The following GRID2 variants were observed in gnomAD, a reference collection of about 807,000 sequenced individuals.
The protein encoded by GRID2 is glutamate receptor ionotropic, delta-2.
GRID2 carries 33 observed loss-of-function variants against 114.8 expected under a neutral mutation model. The ratio of observed to expected loss-of-function variants is 0.29; its 90% CI spans 0.22 to 0.38. The LOEUF is 0.38. GRID2 is among the 10% of genes least tolerant of loss of function. The pLI is 1.00. For missense variants in GRID2, 1,184 were observed against 1,257.7 expected (o/e 0.94, Z 0.89); for synonymous variants, 505 against 449.9 (o/e 1.12, Z -1.55).
intron 2 of GRID2, among the ~76,000 whole-genome samples, chr4:93,027,511 A>G (rs1412187966): frequency 6.6e-6 from 1 of 152,144 alleles, no homozygotes; most frequent in Non-Finnish European, 1.5e-5. Flanking sequence ...GTGTATCCAC[A>G]GACAAGTTTT....
intron 2 of GRID2, among the ~76,000 whole-genome samples, chr4:92,650,736 A>G (rs1033633061): frequency 6.6e-6 from 1 of 151,876 alleles, no homozygotes; most frequent in Non-Finnish European, 1.5e-5. Context: ...ACAAATGTAG[A>G]TAGTGAGTCA....
At chr4:92,955,612 T>G (rs1267951566) in intron 2 of GRID2, among the ~76,000 whole-genome samples, 1 of 152,124 alleles carries the variant, frequency 6.6e-6, no homozygotes, top group Non-Finnish European at 1.5e-5. Context: ...CAGAAGCTCT[T>G]TAGTTTAATT....
intron 2 of GRID2, among the ~76,000 whole-genome samples, chr4:92,784,149 T>G (rs1739213544): frequency 6.6e-6 from 1 of 152,068 alleles, no homozygotes; most frequent in South Asian, 2.1e-4. Context: ...TTATGTAGAT[T>G]TGGATAAGAG....
intron 4 of GRID2, among the ~76,000 whole-genome samples, chr4:93,149,201 A>G (rs564246559): frequency 6.6e-6 from 1 of 152,256 alleles, no homozygotes; most frequent in South Asian, 2.1e-4. Context: ...AAAATTCAAA[A>G]TCTCCATTTT....
chr4:92,349,794 G>C (rs76303319), intron 1 of GRID2, among the ~76,000 whole-genome samples: 3,821 of 151,806 alleles, frequency 0.025, 79 homozygotes, highest in East Asian at 0.11. Flanking sequence ...TTATTATAAA[G>C]TAAAACACAG....
At chr4:93,649,125 C>A (rs1394494781) in intron 14 of GRID2, among the ~76,000 whole-genome samples, 1 of 152,114 alleles carries the variant, frequency 6.6e-6, no homozygotes, top group Non-Finnish European at 1.5e-5. Flanking sequence ...TCATCTTCAA[C>A]AACCAAAATC....
chr4:92,654,061 A>C (rs1007680786), intron 2 of GRID2, among the ~76,000 whole-genome samples: 3 of 152,066 alleles, frequency 2.0e-5, no homozygotes, highest in Non-Finnish European at 4.4e-5. Flanking sequence ...CTGGACCATT[A>C]CTCCAAAGGG....
chr4:93,055,433 T>C (rs1334377702), intron 2 of GRID2, among the ~76,000 whole-genome samples: 1 of 151,974 alleles, frequency 6.6e-6, no homozygotes, highest in Non-Finnish European at 1.5e-5. Context: ...GACGAGTTAC[T>C]GGGTGCAGTG....
chr4:92,333,672 GACAA>G (rs1727014409), intron 1 of GRID2, among the ~76,000 whole-genome samples: 1 of 152,024 alleles, frequency 6.6e-6, no homozygotes, highest in African/African-American at 2.4e-5. Context: ...GTTAAAACTA[GACAA>G]ACAACTTCTT....
At chr4:93,442,202 T>G (rs1356356944) in intron 10 of GRID2, among the ~76,000 whole-genome samples, 1 of 152,070 alleles carries the variant, frequency 6.6e-6, no homozygotes, top group Non-Finnish European at 1.5e-5. Flanking sequence ...AAAAATTCAC[T>G]CAATTCTAGT....
At chr4:93,439,195 C>T (rs1358607709) in intron 10 of GRID2, among the ~76,000 whole-genome samples, 3 of 151,982 alleles carry the variant, frequency 2.0e-5, no homozygotes, top group African/African-American at 7.2e-5. Flanking sequence ...TGGGTATATA[C>T]CCAGTAATGT....
At chr4:93,599,673 C>G (rs1163639421) in intron 13 of GRID2, among the ~76,000 whole-genome samples, 3 of 152,084 alleles carry the variant, frequency 2.0e-5, no homozygotes, top group Non-Finnish European at 2.9e-5. Flanking sequence ...CAAACTAACC[C>G]TTTCACAAAA....
At chr4:92,509,369 G>A (rs757097937) in intron 1 of GRID2, among the ~76,000 whole-genome samples, 5 of 151,776 alleles carry the variant, frequency 3.3e-5, no homozygotes, top group Non-Finnish European at 5.9e-5. Flanking sequence ...ATCATCTCTG[G>A]ATCTTAATCA....
intron 2 of GRID2, among the ~76,000 whole-genome samples, chr4:92,780,778 C>A (rs1337821124): frequency 6.6e-6 from 1 of 152,028 alleles, no homozygotes; most frequent in Non-Finnish European, 1.5e-5. Flanking sequence ...ACTGTTCATG[C>A]ATGATAATAA....
At chr4:93,033,180 A>G (rs756817601) in intron 2 of GRID2, among the ~76,000 whole-genome samples, 2 of 152,168 alleles carry the variant, frequency 1.3e-5, no homozygotes, top group African/African-American at 2.4e-5. Flanking sequence ...CACAGTTCAC[A>G]CAAGACCACC....
At chr4:92,705,378 C>A (rs1313256998) in intron 2 of GRID2, among the ~76,000 whole-genome samples, 1 of 152,104 alleles carries the variant, frequency 6.6e-6, no homozygotes, top group Non-Finnish European at 1.5e-5. Context: ...ATACTACACG[C>A]CAGGCATTGT....
At chr4:93,314,024 G>A (rs758525433) in intron 8 of GRID2, among the ~76,000 whole-genome samples, 3 of 152,080 alleles carry the variant, frequency 2.0e-5, no homozygotes, top group Non-Finnish European at 4.4e-5. Flanking sequence ...GAAGACATTG[G>A]CCAGGCACAA....
rs893291449 is a variant in GRID2 at position 93,386,267 on chromosome 4, T to C, written c.1246-9340T>C. Among the ~76,000 whole-genome samples the C allele has an allele frequency of 6.6e-5, 10 of 152,130 alleles. 1 individual carries two copies. Among genetic ancestry groups the C allele is most frequent in the Non-Finnish European group, 1.5e-5 (1 of 68,020 alleles). ...TGTTAGCTGAGTAGCCTGGAACAGG[T>C]AAATTAATCCCTCTAATTCTCAATT... is the stretch of plus-strand genomic sequence containing the variant. On this transcript the variant is annotated intron_variant, in intron 8 of 15. Transcript: ENST00000282020.
In GRID2 at chr4:92,811,773, G is replaced by A. The variant is rs532209008; in HGVS notation, c.244+221487G>A. On this transcript the variant is annotated intron_variant, in intron 2 of 15. Coordinates refer to ENST00000282020, the MANE Select transcript of GRID2 (RefSeq NM_001510.4). Reference sequence around the variant, plus strand: ...AAAGTAAAATCATATGAAAATGGGAGACATATTTAACAATGTGAATATCAT... The same window carrying A: ...AAAGTAAAATCATATGAAAATGGGAAACATATTTAACAATGTGAATATCAT... Among the ~76,000 whole-genome samples the A allele has an allele frequency of 2.0e-5, 3 of 152,112 alleles. No homozygotes were observed. The South Asian group carries it at 6.2e-4, about 32-fold the overall frequency.
Sources: gnomAD v4.1 joint callset for allele counts (sites outside exome capture counted in the v4.1 genomes callset) on GRCh38, gnomAD v4.1.1 for gene constraint, MANE v1.5 for transcripts, NCBI Gene and HGNC (gene_info 2026-07-23, HGNC 2026-07-21) for gene names.